Variants in ZNF722 observed in about 807,000 individuals in gnomAD.
ZNF722 encodes the protein zinc finger protein 722.
the ZNF722 span, chr7:64,014,932 G>C: frequency 1.1e-6 from 1 of 934,530 alleles, no homozygotes; most frequent in Non-Finnish European, 1.6e-6. Flanking sequence ...ATGCCATTTT[G>C]CTAGTGTGCC....
chr7:64,015,417 T>C, the ZNF722 span: 1 of 1,574,356 alleles, frequency 6.4e-7, no homozygotes, highest in Non-Finnish European at 8.7e-7. Context: ...ATGTGAAGAA[T>C]GCGGCAAATC....
the ZNF722 span, among the ~76,000 whole-genome samples, chr7:64,009,876 C>A: frequency 6.6e-6 from 1 of 151,272 alleles, no homozygotes; most frequent in African/African-American, 2.5e-5. Flanking sequence ...TGGTCCTGGA[C>A]TTTTTTTGGT....
chr7:64,011,778 G>A, the ZNF722 span, among the ~76,000 whole-genome samples: 1 of 152,098 alleles, frequency 6.6e-6, no homozygotes, highest in South Asian at 2.1e-4. Flanking sequence ...TGTATTTCCT[G>A]AATTTGAATG....
the ZNF722 span, among the ~76,000 whole-genome samples, chr7:64,009,289 G>A: frequency 7.9e-5 from 12 of 152,278 alleles, no homozygotes; most frequent in East Asian, 2.3e-3. Flanking sequence ...ATGTTGAATA[G>A]GAGTGGTGAG....
chr7:64,005,083 G>T, the ZNF722 span, among the ~76,000 whole-genome samples: 1 of 152,132 alleles, frequency 6.6e-6, no homozygotes, highest in African/African-American at 2.4e-5. Context: ...TGGATCACCT[G>T]AGGTCAGGAA....
At chr7:64,008,632 T>G in the ZNF722 span, among the ~76,000 whole-genome samples, 2 of 152,210 alleles carry the variant, frequency 1.3e-5, no homozygotes. Flanking sequence ...TACCATGCTG[T>G]TTTGGTTACT....
the ZNF722 span, among the ~76,000 whole-genome samples, chr7:64,007,243 TATA>T: frequency 6.8e-6 from 1 of 148,092 alleles, no homozygotes; most frequent in Admixed American, 6.7e-5. Context: ...TATATATATA[TATA>T]TATATATATT....
chr7:63,998,962 A>G, the ZNF722 span: 2 of 1,578,458 alleles, frequency 1.3e-6, no homozygotes, highest in Non-Finnish European at 1.7e-6. Flanking sequence ...TCGCAGATTT[A>G]TGGCTGAAAG....
the ZNF722 span, chr7:64,015,259 T>A: frequency 8.3e-7 from 1 of 1,211,962 alleles, no homozygotes; most frequent in South Asian, 1.2e-5. Flanking sequence ...TGTGTCATAG[T>A]CTTTGGTAAA....
the ZNF722 span, among the ~76,000 whole-genome samples, chr7:64,004,182 T>C: frequency 6.6e-6 from 1 of 150,702 alleles, no homozygotes; most frequent in Non-Finnish European, 1.5e-5. Flanking sequence ...AGGCGGATCA[T>C]GTGAGGTCAG....
chr7:64,015,996 G>T, the ZNF722 span: 2 of 940,250 alleles, frequency 2.1e-6, no homozygotes, highest in Non-Finnish European at 3.1e-6. Context: ...CAAGTGTAGA[G>T]AATATGGACA....
chr7:64,013,565 A>C, the ZNF722 span, among the ~76,000 whole-genome samples: 1 of 152,032 alleles, frequency 6.6e-6, no homozygotes, highest in Non-Finnish European at 1.5e-5. Context: ...TCCGCATTAT[A>C]TCTACCCTAT....
chr7:64,009,985 C>T, the ZNF722 span, among the ~76,000 whole-genome samples: 1 of 152,030 alleles, frequency 6.6e-6, no homozygotes. Context: ...GTGTATGTGT[C>T]CAGGAATTTA....
chr7:64,008,859 A>C, the ZNF722 span, among the ~76,000 whole-genome samples: 1 of 152,148 alleles, frequency 6.6e-6, no homozygotes, highest in Non-Finnish European at 1.5e-5. Context: ...CACAATATTC[A>C]TTCTTCCTAT....
chr7:64,004,863 G>A, the ZNF722 span, among the ~76,000 whole-genome samples: 3 of 152,122 alleles, frequency 2.0e-5, no homozygotes, highest in African/African-American at 7.2e-5. Flanking sequence ...TGGTGAGCTT[G>A]CTAAAAATTC....
chr7:64,002,129 C>A, the ZNF722 span, among the ~76,000 whole-genome samples: 1 of 152,210 alleles, frequency 6.6e-6, no homozygotes, highest in East Asian at 1.9e-4. Context: ...GATCTGCCCG[C>A]CTTGGACTCC....
chr7:64,003,948 C>T, the ZNF722 span, among the ~76,000 whole-genome samples: 1 of 152,064 alleles, frequency 6.6e-6, no homozygotes, highest in African/African-American at 2.4e-5. Flanking sequence ...CTCATTTATA[C>T]AGAATGGCGT....
chr7:63,999,704 T>G, the ZNF722 span, among the ~76,000 whole-genome samples: 2 of 152,028 alleles, frequency 1.3e-5, no homozygotes, highest in South Asian at 4.1e-4. Context: ...TGTATTTGTT[T>G]ATTTATTTTT....
chr7:64,010,228 G>A, the ZNF722 span, among the ~76,000 whole-genome samples: 16 of 152,030 alleles, frequency 1.1e-4, no homozygotes, highest in Non-Finnish European at 1.9e-4. Context: ...AGGGTTTTTT[G>A]TGTCTCTATC....
Sources: allele counts gnomAD v4.1 joint callset (sites outside exome capture counted in the v4.1 genomes callset), GRCh38; gene constraint gnomAD v4.1.1; transcripts MANE v1.5; gene names NCBI Gene and HGNC (gene_info 2026-07-23, HGNC 2026-07-21).